The following RBFOX1 variants were observed in gnomAD, a reference collection of about 807,000 sequenced individuals.
The protein encoded by RBFOX1 is RNA binding protein fox-1 homolog 1.
In RBFOX1, 8 loss-of-function variants were observed where a neutral mutation model predicts 57.7. The observed-to-expected ratio is 0.14, with a 90% CI of 0.08 to 0.25. The LOEUF is 0.25. Ranked by LOEUF, RBFOX1 falls within the 10% of genes least tolerant of loss-of-function variation. The pLI, the probability that RBFOX1 is intolerant of heterozygous loss-of-function variation, is 1.00. For synonymous variants in RBFOX1, 326 were observed against 222.4 expected, an observed-to-expected ratio of 1.47 and a Z score of -4.15; for missense variants, 611 against 548.5, an observed-to-expected ratio of 1.11 and a Z score of -1.14.
In RBFOX1 at chr16:7,372,309, A is replaced by G. The variant is rs537334123; in HGVS notation, c.28-145838A>G. 3.3e-5 allele frequency among the ~76,000 whole-genome samples: 5 copies of G among 152,320 alleles called. 1 individual carries two copies. In the South Asian group the frequency reaches 1.0e-3, roughly 32 times the overall value. ...AGAGCGGGATCATGTCGGTACTAGC[A>G]GGCTCTAAAGGACACAGTGTTCACC... On this transcript the variant is annotated intron_variant, in intron 4 of 15. Coordinates refer to ENST00000550418, the MANE Select transcript of RBFOX1 (RefSeq NM_018723.4).
At chr16:6,889,025 G>A (rs1220929213) in intron 3 of RBFOX1, among the ~76,000 whole-genome samples, 1 of 152,058 alleles carries the variant, frequency 6.6e-6, no homozygotes, top group African/African-American at 2.4e-5. Context: ...AAGTCTTCAG[G>A]GAATTGCATG....
intron 2 of RBFOX1, among the ~76,000 whole-genome samples, chr16:5,474,436 C>A (rs1197191144): frequency 6.6e-6 from 1 of 152,072 alleles, no homozygotes; most frequent in Admixed American, 6.6e-5. Context: ...GGCAGATCAC[C>A]TGAGGTCAGG....
chr16:6,727,176 A>G (rs1230022477), intron 3 of RBFOX1, among the ~76,000 whole-genome samples: 1 of 151,822 alleles, frequency 6.6e-6, no homozygotes, highest in Non-Finnish European at 1.5e-5. Flanking sequence ...TTCCATAGAA[A>G]GAAGAGGTGA....
intron 2 of RBFOX1, chr16:6,483,256 G>A: frequency 4.7e-6 from 6 of 1,284,258 alleles, no homozygotes; most frequent in South Asian, 2.2e-5. Context: ...CTCCCTTTGT[G>A]CGCGCCCGGG....
chr16:6,500,632 G>A (rs374366944), intron 2 of RBFOX1, among the ~76,000 whole-genome samples: 8 of 152,262 alleles, frequency 5.3e-5, no homozygotes, highest in African/African-American at 1.9e-4. Context: ...GGCAATTGAA[G>A]TACATGGACT....
intron 6 of RBFOX1, among the ~76,000 whole-genome samples, chr16:7,584,722 G>C (rs1326775310): frequency 1.3e-5 from 2 of 152,128 alleles, no homozygotes; most frequent in Non-Finnish European, 2.9e-5. Flanking sequence ...TATTTAAATT[G>C]AAAATGTGCC....
chr16:6,705,732 T>C (rs2062620878), intron 3 of RBFOX1, among the ~76,000 whole-genome samples: 1 of 152,158 alleles, frequency 6.6e-6, no homozygotes, highest in Non-Finnish European at 1.5e-5. Flanking sequence ...AAATTATAAA[T>C]TAGGGCCTGG....
rs540588804 is a variant in RBFOX1, at chr16:6,500,868, G to A, written c.-63-153735G>A. Among the ~76,000 whole-genome samples, 11 of 70,246 alleles carry A rather than the reference G, an allele frequency of 1.6e-4. No individual in the cohort carries two copies. The East Asian group carries it at 6.9e-3, about 44-fold the overall frequency. The allele number at this position is 70,246 out of a possible 152,430, so 46.1% of individuals were successfully genotyped here. A position where few individuals can be genotyped will look rare whatever the true frequency, so the allele number is the denominator to read the frequency against. ...ATCATTGTCTTTTATCTCAGCCCTT[G>A]GGGAGTAGTTTTTTTTTTTTTTTTT... On this transcript the variant is annotated intron_variant, in intron 2 of 15. Transcript: ENST00000550418.
At chr16:5,958,235 G>C (rs894664536) in intron 4 of RBFOX1, among the ~76,000 whole-genome samples, 1 of 152,202 alleles carries the variant, frequency 6.6e-6, no homozygotes. Context: ...GAGCTTTCTT[G>C]TGGCCCTGCT....
chr16:6,933,460 C>T (rs1014119191), intron 3 of RBFOX1, among the ~76,000 whole-genome samples: 1 of 152,204 alleles, frequency 6.6e-6, no homozygotes, highest in Non-Finnish European at 1.5e-5. Flanking sequence ...TGCCTGTAAT[C>T]CCGGCTCTTT....
intron 1 of RBFOX1, among the ~76,000 whole-genome samples, chr16:6,300,521 C>G (rs960705494): frequency 6.6e-6 from 1 of 152,202 alleles, no homozygotes; most frequent in African/African-American, 2.4e-5. Context: ...AGACTTGCAC[C>G]TGTGGTACAT....
At chr16:7,142,736 C>A (rs1438928224) in intron 4 of RBFOX1, among the ~76,000 whole-genome samples, 2 of 152,166 alleles carry the variant, frequency 1.3e-5, no homozygotes, top group Non-Finnish European at 2.9e-5. Context: ...CCAGTGAGAA[C>A]CACCTCTACT....
chr16:5,795,172 A>G (rs749308597), intron 3 of RBFOX1, among the ~76,000 whole-genome samples: 5 of 152,156 alleles, frequency 3.3e-5, no homozygotes, highest in African/African-American at 7.2e-5. Context: ...CGAAAGGCCT[A>G]ACCCATAAAT....
At chr16:7,694,917 C>T (rs1222200016) in intron 14 of RBFOX1, among the ~76,000 whole-genome samples, 2 of 152,082 alleles carry the variant, frequency 1.3e-5, no homozygotes, top group Non-Finnish European at 2.9e-5. Flanking sequence ...GTGCATGTTC[C>T]AGTATGTTAG....
intron 4 of RBFOX1, among the ~76,000 whole-genome samples, chr16:7,125,834 G>C (rs1208158365): frequency 2.6e-5 from 4 of 152,154 alleles, no homozygotes; most frequent in Non-Finnish European, 4.4e-5. Flanking sequence ...TGTAATCCCA[G>C]CACTTTGGGA....
chr16:5,422,182 G>C (rs1450517255), intron 1 of RBFOX1, among the ~76,000 whole-genome samples: 1 of 151,764 alleles, frequency 6.6e-6, no homozygotes, highest in Admixed American at 6.6e-5. Context: ...GAGGAAGAGA[G>C]AGAGGGAGAG....
At chr16:7,003,265 C>G (rs1195011393) in intron 3 of RBFOX1, among the ~76,000 whole-genome samples, 1 of 151,894 alleles carries the variant, frequency 6.6e-6, no homozygotes, top group Non-Finnish European at 1.5e-5. Context: ...TCAAGACCAT[C>G]CTGGCCAACA....
chr16:5,505,751 C>T (rs766453510), intron 2 of RBFOX1, among the ~76,000 whole-genome samples: 4 of 152,134 alleles, frequency 2.6e-5, no homozygotes, highest in African/African-American at 4.8e-5. Context: ...CCCATTCTGC[C>T]ACACTTGTGA....
intron 3 of RBFOX1, among the ~76,000 whole-genome samples, chr16:6,734,476 T>C (rs1023587976): frequency 7.2e-5 from 11 of 152,190 alleles, no homozygotes; most frequent in Non-Finnish European, 2.9e-5. Context: ...TATTGCCTCA[T>C]TACAGATGAG....
Sources: gnomAD v4.1 joint callset for allele counts (sites outside exome capture counted in the v4.1 genomes callset) on GRCh38, gnomAD v4.1.1 for gene constraint, MANE v1.5 for transcripts, NCBI Gene and HGNC (gene_info 2026-07-23, HGNC 2026-07-21) for gene names.